Variants in TNNI3K observed in about 807,000 individuals in gnomAD.
The protein encoded by TNNI3K is serine/threonine-protein kinase TNNI3K.
TNNI3K carries 140 observed loss-of-function variants against 114.5 expected under a neutral mutation model. The ratio of observed to expected loss-of-function variants is 1.22; its 90% CI spans 1.07 to 1.41. The LOEUF (loss-of-function observed/expected upper bound fraction) is 1.41, where lower values mean the gene tolerates loss of function less well. Among genes scored for constraint, TNNI3K ranks in the 40% most tolerant of loss-of-function variants. The pLI is 0.00. For missense variants in TNNI3K, 1,125 were observed against 1,007.6 expected (o/e 1.12, Z -1.58); for synonymous variants, 347 against 347.5 (o/e 1.00, Z 0.02).
intron 20 of TNNI3K, among the ~76,000 whole-genome samples, chr1:74,460,911 A>C (rs1570649741): frequency 6.6e-6 from 1 of 152,248 alleles, no homozygotes; most frequent in African/African-American, 2.4e-5. Flanking sequence ...AAGTAACTCT[A>C]TATTTTTGAT....
intron 21 of TNNI3K, among the ~76,000 whole-genome samples, chr1:74,467,199 T>C (rs553870639): frequency 6.6e-6 from 1 of 152,282 alleles, no homozygotes; most frequent in South Asian, 2.1e-4. Flanking sequence ...GAAAGACTAG[T>C]AGCAGTTGCA....
intron 21 of TNNI3K, among the ~76,000 whole-genome samples, chr1:74,484,052 C>T (rs1027981474): frequency 3.8e-4 from 57 of 151,612 alleles, no homozygotes; most frequent in African/African-American, 1.4e-3. Context: ...GTCTACAGTA[C>T]AGAGTATTAT....
intron 4 of TNNI3K, among the ~76,000 whole-genome samples, chr1:74,267,499 T>C (rs1656072451): frequency 1.3e-5 from 2 of 151,984 alleles, no homozygotes; most frequent in Admixed American, 1.3e-4. Flanking sequence ...GTTAGCACTT[T>C]AAATTCTTTG....
At chr1:74,406,722 A>G (rs545205638) in intron 17 of TNNI3K, among the ~76,000 whole-genome samples, 5 of 152,326 alleles carry the variant, frequency 3.3e-5, no homozygotes, top group African/African-American at 1.2e-4. Flanking sequence ...ATTACAGTGT[A>G]CACATCTTTG....
In TNNI3K at chr1:74,343,105, C is replaced by T; in HGVS notation, c.858C>T (p.Ala286=). The T allele has an allele frequency of 6.2e-7, 1 of 1,613,338 alleles. No homozygotes were observed. Among genetic ancestry groups the T allele is most frequent in the Non-Finnish European group, 8.5e-7 (1 of 1,179,772 alleles). The change falls in exon 9 of 25, where the codon GCC becomes GCT. Residue 286 remains alanine, a synonymous_variant. Coordinates refer to ENST00000326637, the MANE Select transcript of TNNI3K (RefSeq NM_015978.3). ...LACYNGKFEV[A]KEIIQISGTE... is the part of the protein sequence containing the mutation. ...GCTACAATGGCAAATTTGAAGTTGCCAAGGAAATCATCCAAATATCAGGAA... is the reference window on the plus strand; with the variant it reads ...GCTACAATGGCAAATTTGAAGTTGCTAAGGAAATCATCCAAATATCAGGAA...
At chr1:74,444,269 T>G (rs1666526961) in intron 20 of TNNI3K, among the ~76,000 whole-genome samples, 1 of 152,152 alleles carries the variant, frequency 6.6e-6, no homozygotes, top group Admixed American at 6.5e-5. Context: ...CCACATTGTC[T>G]CAGTCCAAAA....
chr1:74,436,381 G>T, intron 18 of TNNI3K, 93 bp from the exon 19 acceptor site: 2 of 1,378,632 alleles, frequency 1.5e-6, no homozygotes, highest in Non-Finnish European at 1.9e-6. Context: ...GAATAAGACA[G>T]AAGTCTCTTG....
chr1:74,311,224 A>C (rs1658975564), intron 5 of TNNI3K, among the ~76,000 whole-genome samples: 2 of 152,138 alleles, frequency 1.3e-5, no homozygotes, highest in Non-Finnish European at 2.9e-5. Flanking sequence ...TTTAATCATT[A>C]TTCTTCTTTC....
At chr1:74,333,210 C>T (rs766384113) in intron 6 of TNNI3K, among the ~76,000 whole-genome samples, 1 of 152,194 alleles carries the variant, frequency 6.6e-6, no homozygotes, top group African/African-American at 2.4e-5. Context: ...CTTTATTCCT[C>T]TGCTAGCTGG....
chr1:74,352,823 A>G (rs1190390486), intron 9 of TNNI3K, among the ~76,000 whole-genome samples: 3 of 152,200 alleles, frequency 2.0e-5, no homozygotes. Flanking sequence ...GGAAAAGCGC[A>G]GTATTAGGGT....
chr1:74,413,141 A>G (rs776669805), intron 17 of TNNI3K, among the ~76,000 whole-genome samples: 2 of 152,174 alleles, frequency 1.3e-5, no homozygotes, highest in Non-Finnish European at 2.9e-5. Flanking sequence ...CAGAGTAGTC[A>G]TTTATTTAAA....
At chr1:74,428,054 A>G (rs900278671) in intron 17 of TNNI3K, among the ~76,000 whole-genome samples, 4 of 152,036 alleles carry the variant, frequency 2.6e-5, no homozygotes, top group African/African-American at 7.2e-5. Context: ...CTTTAGAGGT[A>G]AGCCTTCAAA....
intron 23 of TNNI3K, among the ~76,000 whole-genome samples, chr1:74,524,438 A>G (rs1646476019): frequency 6.6e-6 from 1 of 152,196 alleles, no homozygotes; most frequent in Non-Finnish European, 1.5e-5. Context: ...CAGCTAGAGT[A>G]TGTAGGGCCA....
chr1:74,387,854 AG>A (rs1265612979), intron 17 of TNNI3K, among the ~76,000 whole-genome samples: 3 of 152,228 alleles, frequency 2.0e-5, no homozygotes, highest in African/African-American at 7.2e-5. Context: ...GGCACATAGT[AG>A]ATATTCAATA....
At chr1:74,255,178 C>T (rs938147206) in intron 4 of TNNI3K, among the ~76,000 whole-genome samples, 3 of 151,858 alleles carry the variant, frequency 2.0e-5, no homozygotes. Flanking sequence ...AATGGTGAAA[C>T]CCCGTCTCTA....
At chr1:74,364,857 T>C (rs1489807229) in intron 11 of TNNI3K, among the ~76,000 whole-genome samples, 1 of 152,038 alleles carries the variant, frequency 6.6e-6, no homozygotes, top group Admixed American at 6.6e-5. Context: ...TCCTAAGGCC[T>C]CTAGAAAGAA....
At chr1:74,291,869 T>C (rs1327385758) in intron 5 of TNNI3K, among the ~76,000 whole-genome samples, 3 of 151,532 alleles carry the variant, frequency 2.0e-5, no homozygotes, top group African/African-American at 7.2e-5. Flanking sequence ...TTTTGACATG[T>C]TCAATTGTCT....
In TNNI3K at chr1:74,409,645, G is replaced by A. The variant is rs538634741; in HGVS notation, c.1773-26435G>A. Among the ~76,000 whole-genome samples, 11 of 151,232 alleles carry A rather than the reference G, an allele frequency of 7.3e-5. No individual in the cohort carries two copies. The South Asian group carries it at 2.1e-3, about 29-fold the overall frequency. On this transcript the variant is annotated intron_variant, in intron 17 of 24. Transcript: ENST00000326637. ...AGTAGCTAGGATTACAGGTGTCTGCGACACACCTGGCTAATTTTTTGTATT... is the reference window on the plus strand; with the variant it reads ...AGTAGCTAGGATTACAGGTGTCTGCAACACACCTGGCTAATTTTTTGTATT...
chr1:74,479,764 T>C (rs921443932), intron 21 of TNNI3K, among the ~76,000 whole-genome samples: 5 of 152,244 alleles, frequency 3.3e-5, no homozygotes, highest in African/African-American at 1.2e-4. Flanking sequence ...AGTTTTTAAA[T>C]ATCTATCTCC....
Sources: gnomAD v4.1 joint callset for allele counts (sites outside exome capture counted in the v4.1 genomes callset) on GRCh38, gnomAD v4.1.1 for gene constraint, MANE v1.5 for transcripts, NCBI Gene and HGNC (gene_info 2026-07-23, HGNC 2026-07-21) for gene names.